The following ADD3 variants were observed in gnomAD, a reference collection of about 807,000 sequenced individuals.
The protein encoded by ADD3 is gamma-adducin.
In ADD3, 25 loss-of-function variants were observed where a neutral mutation model predicts 80.2. That is an observed-to-expected ratio of 0.31 (90% CI 0.23 to 0.44). The LOEUF (loss-of-function observed/expected upper bound fraction) is 0.44. Ranked by LOEUF, ADD3 falls within the 20% of genes least tolerant of loss-of-function variation. The pLI, the probability that ADD3 is intolerant of heterozygous loss-of-function variation, is 1.00. For missense variants in ADD3, 829 were observed against 847.5 expected (o/e 0.98, Z 0.27); for synonymous variants, 284 against 289.6 (o/e 0.98, Z 0.20).
chr10:109,999,060 T>C (rs1412502857), intron 1 of ADD3, among the ~76,000 whole-genome samples: 1 of 152,158 alleles, frequency 6.6e-6, no homozygotes, highest in Non-Finnish European at 1.5e-5. Context: ...CAACAAATAC[T>C]GTTGCCTTAA....
chr10:110,011,663 C>G (rs750846741), intron 1 of ADD3, among the ~76,000 whole-genome samples: 1 of 152,120 alleles, frequency 6.6e-6, no homozygotes, highest in Non-Finnish European at 1.5e-5. Context: ...AATATCTAAT[C>G]GAGTGCTATT....
intron 1 of ADD3, among the ~76,000 whole-genome samples, chr10:110,081,719 T>G (rs1363459731): frequency 1.3e-5 from 2 of 152,224 alleles, no homozygotes; most frequent in Non-Finnish European, 2.9e-5. Context: ...CTATTATGAT[T>G]TTTTAACAAT....
chr10:110,022,493 ACCT>A (rs1853793499), intron 1 of ADD3, among the ~76,000 whole-genome samples: 1 of 152,108 alleles, frequency 6.6e-6, no homozygotes, highest in African/African-American at 2.4e-5. Flanking sequence ...CATAAAATTC[ACCT>A]CCTAATTTTA....
chr10:110,110,009 AT>A (rs1245710969), intron 2 of ADD3, among the ~76,000 whole-genome samples: 2 of 152,192 alleles, frequency 1.3e-5, no homozygotes, highest in Non-Finnish European at 2.9e-5. Flanking sequence ...ATAGAACCAG[AT>A]GTTTTTGAGC....
intron 1 of ADD3, among the ~76,000 whole-genome samples, chr10:110,013,455 CATATGCAATTTCCATA>C: frequency 6.6e-6 from 1 of 152,092 alleles, no homozygotes; most frequent in Admixed American, 6.6e-5. Context: ...CTGCAGTGGG[CATATGCAATTTCCATA>C]GGATAAACAT....
rs185609332 is a variant in ADD3 at position 110,102,025 on chromosome 10, C to T, written c.195+1177C>T. Among the ~76,000 whole-genome samples, 454 of 152,240 alleles carry T rather than the reference C, an allele frequency of 3.0e-3. 3 individuals are homozygous for T. Among genetic ancestry groups the T allele is most frequent in the African/African-American group, 0.01 (430 of 41,542 alleles). Reference sequence around the variant, plus strand: ...AGTCCAAAACCAAAGGGGAATTCCACTCTTAAGTAATTAATTCTCCCATAC... The same window carrying T: ...AGTCCAAAACCAAAGGGGAATTCCATTCTTAAGTAATTAATTCTCCCATAC... On this transcript the variant is annotated intron_variant, in intron 2 of 14. Transcript: ENST00000356080.
intron 1 of ADD3, among the ~76,000 whole-genome samples, chr10:110,067,926 G>A (rs1844176208): frequency 6.6e-6 from 1 of 151,564 alleles, no homozygotes; most frequent in African/African-American, 2.4e-5. Flanking sequence ...ACTTCTCTTT[G>A]TTTAATATTT....
intron 1 of ADD3, among the ~76,000 whole-genome samples, chr10:110,090,120 A>G (rs1847295468): frequency 6.7e-6 from 1 of 149,154 alleles, no homozygotes; most frequent in African/African-American, 2.6e-5. Context: ...TTAGTGACAC[A>G]GAGGTTAGAC....
At position 110,118,613 on chromosome 10, in the gene ADD3, G is replaced by T. The variant is rs765242488; in HGVS notation, c.594G>T (p.Val198=). The change falls in exon 6 of 15, where the codon GTG becomes GTT. Residue 198 remains valine (V), a synonymous_variant. Transcript: ENST00000356080. ...NLVKVNIIGE[V]VDQGSTNLKI... ...TGAAAGTCAATATAATAGGAGAAGT[G>T]GTTGACCAGGGAAGTACCAATTTGA... The T allele has an allele frequency of 6.2e-7, 1 of 1,613,898 alleles. No individual in the cohort carries two copies. Among genetic ancestry groups the T allele is most frequent in the Non-Finnish European group, 8.5e-7 (1 of 1,179,788 alleles).
At chr10:110,046,977 A>G (rs1382559506) in intron 1 of ADD3, among the ~76,000 whole-genome samples, 2 of 152,160 alleles carry the variant, frequency 1.3e-5, no homozygotes, top group Non-Finnish European at 1.5e-5. Flanking sequence ...GATGTCTACT[A>G]TAAGCCCAAA....
At chr10:110,091,529 G>T (rs919033797) in intron 1 of ADD3, among the ~76,000 whole-genome samples, 3 of 152,040 alleles carry the variant, frequency 2.0e-5, no homozygotes, top group Admixed American at 2.0e-4. Flanking sequence ...ACAAGCAACG[G>T]GGAAAGGATT....
chr10:110,062,640 C>T (rs10884925), intron 1 of ADD3, among the ~76,000 whole-genome samples: 97,143 of 152,006 alleles, frequency 0.64, 36,720 homozygotes, highest in Non-Finnish European at 0.83. Context: ...GAAATGTACC[C>T]CCAAAATTTT....
At position 110,051,277 on chromosome 10, in the gene ADD3, G is replaced by A. The variant is rs576611900; in HGVS notation, c.-30+42978G>A. On this transcript the variant is annotated intron_variant, in intron 1 of 14. Transcript: ENST00000356080. ...TCTTGGATGTGACACCAAAAAACAGGCAACAAAAGGAAAAATAGGTAATTG... is the reference window on the plus strand; with the variant it reads ...TCTTGGATGTGACACCAAAAAACAGACAACAAAAGGAAAAATAGGTAATTG... Among the ~76,000 whole-genome samples the A allele has an allele frequency of 2.6e-5, 4 of 152,226 alleles. No homozygotes were observed. The East Asian group carries it at 7.7e-4, about 29-fold the overall frequency.
intron 1 of ADD3, among the ~76,000 whole-genome samples, chr10:110,052,506 T>C (rs1857634720): frequency 6.6e-6 from 1 of 152,228 alleles, no homozygotes; most frequent in Non-Finnish European, 1.5e-5. Context: ...CATGAGAATG[T>C]AGTGCCTGAT....
chr10:110,103,860 C>T (rs1192024344), intron 2 of ADD3, among the ~76,000 whole-genome samples: 1 of 152,158 alleles, frequency 6.6e-6, no homozygotes, highest in African/African-American at 2.4e-5. Flanking sequence ...GCCACCATGC[C>T]TGGCAGGTCA....
intron 10 of ADD3, 182 bp from the exon 11 acceptor site, chr10:110,125,644 A>G (rs757380533): frequency 1.8e-5 from 7 of 384,302 alleles, no homozygotes; most frequent in Non-Finnish European, 2.8e-5. Flanking sequence ...TTTTTAAGTA[A>G]ATGTTGATTT....
chr10:110,011,796 G>C (rs1852363448), intron 1 of ADD3, among the ~76,000 whole-genome samples: 1 of 152,172 alleles, frequency 6.6e-6, no homozygotes, highest in African/African-American at 2.4e-5. Flanking sequence ...TGTCTTCTTT[G>C]TTAATACTCT....
In ADD3 at chr10:110,082,312, A is replaced by C. The variant is rs529276642; in HGVS notation, c.-29-18313A>C. On this transcript the variant is annotated intron_variant, in intron 1 of 14. Coordinates refer to ENST00000356080, the MANE Select transcript of ADD3 (RefSeq NM_016824.5). ...GTTGGGCATAAAAGTCATGACAGTT[A>C]AAAAGATCAGAAAAAAAATGCTTTA... Among the ~76,000 whole-genome samples, 119 of 152,296 alleles carry C rather than the reference A, an allele frequency of 7.8e-4. 1 individual carries two copies. Among genetic ancestry groups the C allele is most frequent in the African/African-American group, 2.8e-3 (115 of 41,532 alleles).
intron 1 of ADD3, among the ~76,000 whole-genome samples, chr10:109,998,253 T>C (rs1420536654): frequency 1.3e-5 from 2 of 152,204 alleles, no homozygotes; most frequent in East Asian, 3.9e-4. Context: ...CAGGTAATGG[T>C]ACTACCATCC....
Sources: allele counts gnomAD v4.1 joint callset (sites outside exome capture counted in the v4.1 genomes callset), GRCh38; gene constraint gnomAD v4.1.1; transcripts MANE v1.5; gene names NCBI Gene and HGNC (gene_info 2026-07-23, HGNC 2026-07-21).